The following SLC24A2 variants were observed in gnomAD, a reference collection of about 807,000 sequenced individuals.
SLC24A2 encodes the protein sodium/potassium/calcium exchanger 2.
Under a neutral mutation model 62.0 loss-of-function variants are expected in SLC24A2, and 36 were observed. The ratio of observed to expected loss-of-function variants is 0.58; its 90% CI spans 0.44 to 0.77. The LOEUF (loss-of-function observed/expected upper bound fraction) is 0.77, where lower values mean the gene tolerates loss of function less well. SLC24A2 is among the 30% of genes least tolerant of loss of function. The pLI, the probability that SLC24A2 is intolerant of heterozygous loss-of-function variation, is 0.00. For synonymous variants in SLC24A2, 358 were observed against 294.0 expected (o/e 1.22, Z -2.23); for missense variants, 846 against 817.9 (o/e 1.03, Z -0.42).
chr9:20,028,571 A>G, the SLC24A2 span, among the ~76,000 whole-genome samples: 3 of 152,156 alleles, frequency 2.0e-5, no homozygotes, highest in Non-Finnish European at 4.4e-5. Flanking sequence ...AAAGGACCCA[A>G]ATGGCTCCCC....
chr9:19,802,050 G>A, the SLC24A2 span, among the ~76,000 whole-genome samples: 1 of 152,158 alleles, frequency 6.6e-6, no homozygotes, highest in Non-Finnish European at 1.5e-5. Context: ...AACATGATAA[G>A]CAGCTAAGTT....
At chr9:19,915,103 C>A in the SLC24A2 span, among the ~76,000 whole-genome samples, 1 of 152,128 alleles carries the variant, frequency 6.6e-6, no homozygotes, top group East Asian at 1.9e-4. Flanking sequence ...CCAATCCCAT[C>A]CTCTACCTGC....
the SLC24A2 span, among the ~76,000 whole-genome samples, chr9:20,300,516 T>C: frequency 1.3e-5 from 2 of 152,216 alleles, no homozygotes; most frequent in Non-Finnish European, 1.5e-5. Context: ...CAGAATTATG[T>C]CCAAATTCTG....
At chr9:19,707,103 T>G (rs1187634643) in intron 2 of SLC24A2, among the ~76,000 whole-genome samples, 9 of 151,676 alleles carry the variant, frequency 5.9e-5, no homozygotes, top group Non-Finnish European at 8.8e-5. Context: ...AAATACAAAC[T>G]ACCATCAGAG....
chr9:19,526,204 A>G (rs1833440453), intron 9 of SLC24A2, among the ~76,000 whole-genome samples: 1 of 152,214 alleles, frequency 6.6e-6, no homozygotes, highest in South Asian at 2.1e-4. Context: ...TGTACTGTGT[A>G]ATATTCCATT....
the SLC24A2 span, among the ~76,000 whole-genome samples, chr9:20,088,827 T>A: frequency 6.6e-6 from 1 of 151,836 alleles, no homozygotes; most frequent in Non-Finnish European, 1.5e-5. Context: ...AGTCTGTAAT[T>A]CCCTGGAACA....
At chr9:19,585,685 C>A (rs1189003224) in intron 5 of SLC24A2, among the ~76,000 whole-genome samples, 1 of 152,164 alleles carries the variant, frequency 6.6e-6, no homozygotes, top group African/African-American at 2.4e-5. Flanking sequence ...GACTTTTGGA[C>A]TTTAATTGTA....
At chr9:19,692,363 C>G (rs943618408) in intron 2 of SLC24A2, among the ~76,000 whole-genome samples, 1 of 152,040 alleles carries the variant, frequency 6.6e-6, no homozygotes, top group Non-Finnish European at 1.5e-5. Flanking sequence ...CTAATAATGA[C>G]CTCACTAGAT....
intron 4 of SLC24A2, among the ~76,000 whole-genome samples, chr9:19,608,981 A>T (rs1837070537): frequency 6.6e-6 from 1 of 152,188 alleles, no homozygotes; most frequent in African/African-American, 2.4e-5. Context: ...CTGCTCATCC[A>T]GGCTCCTTAC....
At chr9:19,810,743 C>T in the SLC24A2 span, among the ~76,000 whole-genome samples, 12 of 152,166 alleles carry the variant, frequency 7.9e-5, no homozygotes, top group African/African-American at 2.6e-4. Flanking sequence ...TGGACAATGA[C>T]AGTTTATCAT....
chr9:19,618,789 G>C (rs1040261639), intron 4 of SLC24A2, among the ~76,000 whole-genome samples: 3 of 152,142 alleles, frequency 2.0e-5, no homozygotes, highest in African/African-American at 7.2e-5. Context: ...AAAGTCCAAG[G>C]ATGAAGGGAG....
chr9:19,589,780 G>A (rs975119881), intron 5 of SLC24A2, among the ~76,000 whole-genome samples: 2 of 152,104 alleles, frequency 1.3e-5, no homozygotes, highest in Non-Finnish European at 2.9e-5. Flanking sequence ...TACTCAAAAT[G>A]CAAGATCAAG....
the SLC24A2 span, among the ~76,000 whole-genome samples, chr9:20,259,481 G>A: frequency 1.3e-5 from 2 of 151,922 alleles, no homozygotes; most frequent in Non-Finnish European, 2.9e-5. Flanking sequence ...TATCACACTC[G>A]CCCTACCCTG....
the SLC24A2 span, among the ~76,000 whole-genome samples, chr9:20,093,332 A>T: frequency 6.6e-6 from 1 of 152,000 alleles, no homozygotes. Context: ...TCGGCCTCCC[A>T]AAGTGCTGGG....
chr9:20,131,972 T>C, the SLC24A2 span, among the ~76,000 whole-genome samples: 3 of 152,182 alleles, frequency 2.0e-5, no homozygotes, highest in African/African-American at 7.2e-5. Context: ...AGTGTAATTG[T>C]TGTGCTACAT....
the SLC24A2 span, among the ~76,000 whole-genome samples, chr9:19,829,273 T>C: frequency 6.6e-6 from 1 of 152,152 alleles, no homozygotes; most frequent in Non-Finnish European, 1.5e-5. Flanking sequence ...AATGGCCATA[T>C]GAAGGGGCAC....
chr9:20,271,882 T>A, the SLC24A2 span, among the ~76,000 whole-genome samples: 13 of 152,050 alleles, frequency 8.5e-5, no homozygotes, highest in Non-Finnish European at 1.6e-4. Context: ...ATTGCAAAAA[T>A]TTGTACTTAA....
the SLC24A2 span, among the ~76,000 whole-genome samples, chr9:20,155,319 C>T: frequency 6.6e-6 from 1 of 151,850 alleles, no homozygotes; most frequent in South Asian, 2.1e-4. Flanking sequence ...CCTTTACCCT[C>T]GCCTCCACTC....
the SLC24A2 span, among the ~76,000 whole-genome samples, chr9:19,886,981 T>C: frequency 6.6e-6 from 1 of 152,080 alleles, no homozygotes; most frequent in Non-Finnish European, 1.5e-5. Context: ...ATGTTCTCAC[T>C]TATAAGTGGG....
Sources: gnomAD v4.1 joint callset for allele counts (sites outside exome capture counted in the v4.1 genomes callset) on GRCh38, gnomAD v4.1.1 for gene constraint, MANE v1.5 for transcripts, NCBI Gene and HGNC (gene_info 2026-07-23, HGNC 2026-07-21) for gene names.